The following SCPEP1 variants were observed in gnomAD, a reference collection of about 807,000 sequenced individuals.
SCPEP1 encodes retinoid-inducible serine carboxypeptidase.
A neutral mutation model predicts 63.8 loss-of-function variants in SCPEP1; 51 were observed. That is an observed-to-expected ratio of 0.80 (90% CI 0.64 to 1.01). SCPEP1 has a LOEUF of 1.01. SCPEP1 is among the 50% of genes least tolerant of loss of function. SCPEP1 has a pLI of 0.00. For synonymous variants in SCPEP1, 204 were observed against 207.8 expected (o/e 0.98, Z 0.16); for missense variants, 499 against 554.9 (o/e 0.90, Z 1.01).
rs748150413 is a variant in SCPEP1 at position 56,987,831 on chromosome 17, G to C, written c.452G>C (p.Ser151Thr). The C allele has an allele frequency of 1.2e-6, 2 of 1,614,088 alleles. No individual in the cohort carries two copies. Among genetic ancestry groups the C allele is most frequent in the Non-Finnish European group, 1.7e-6 (2 of 1,180,002 alleles). The change falls in exon 4 of 13, where the codon AGT becomes ACT. Residue 151 changes from serine to threonine, a missense_variant. By Grantham distance (58) the Ser-to-Thr change is moderately conservative. Transcript: ENST00000262288. Reference sequence around the variant, plus strand: ...ATGGTTCTCCTGAAGACCTTCTTCAGTTGCCACAAAGAATTCCAGGTAAGC... The same window carrying C: ...ATGGTTCTCCTGAAGACCTTCTTCACTTGCCACAAAGAATTCCAGGTAAGC... ...DMMVLLKTFF[S>T]CHKEFQTVPF...
chr17:56,993,278 G>A (rs1026348189), intron 6 of SCPEP1, among the ~76,000 whole-genome samples: 3 of 152,046 alleles, frequency 2.0e-5, no homozygotes, highest in Non-Finnish European at 4.4e-5. Flanking sequence ...AGACACATGT[G>A]GCTATTAGCT....
chr17:57,002,057 T>G lies in SCPEP1; in HGVS notation c.1172T>G (p.Leu391Arg), dbSNP rs373783266. The G allele has an allele frequency of 2.2e-5, 36 of 1,614,244 alleles. No homozygotes were observed. Among genetic ancestry groups the G allele is most frequent in the Non-Finnish European group, 3.1e-5 (36 of 1,180,040 alleles). ...GTGCGGAAACTGAAGTGGCCAGAAC[T>G]GCCTAAATTCAGTCAGCTGAAGTGG... ...AWVRKLKWPE[L>R]PKFSQLKWKA... Residue 391 changes from leucine to arginine, a missense_variant, in exon 12 of 13, where the codon CTG becomes CGG. Coordinates refer to ENST00000262288, the MANE Select transcript of SCPEP1 (RefSeq NM_021626.3).
intron 10 of SCPEP1, among the ~76,000 whole-genome samples, chr17:56,999,536 T>C (rs1422854819): frequency 6.6e-6 from 1 of 152,156 alleles, no homozygotes; most frequent in Non-Finnish European, 1.5e-5. Context: ...GCTGGGAGCC[T>C]ACGATTTGCT....
chr17:56,981,232 T>C lies in SCPEP1; in HGVS notation c.225+2T>C, dbSNP rs1259506679. On this transcript the variant is annotated splice_donor_variant, in intron 2 of 12. Transcript: ENST00000262288. LOFTEE classifies it high-confidence loss of function. ...CTGCCCCTGGTCATGTGGCTTCAGG[T>C]AAAGTAGCTTCCCAGCCTGGCCTGA... 1.9e-6 allele frequency: 3 copies of C among 1,614,084 alleles called. No individual in the cohort carries two copies. In the Admixed American group the frequency reaches 5.0e-5, roughly 27 times the overall value.
In SCPEP1 at chr17:56,991,230, C is replaced by A. The variant is rs1489157793; in HGVS notation, c.619+59C>A. The stretch of plus-strand genomic sequence containing the variant: ...CCCTTTTGCCCATCCTTTCCTGGGA[C>A]TTTGGGCTGTGTTGTCCAGATCAAA... On this transcript the variant is annotated intron_variant, in intron 6 of 12. Transcript: ENST00000262288. 4.6e-6 allele frequency: 6 copies of A among 1,295,140 alleles called. No individual in the cohort carries two copies. The East Asian group carries it at 1.4e-4, about 30-fold the overall frequency. The allele number at this position is 1,295,140 out of a possible 1,614,324, so 80.2% of individuals were successfully genotyped here.
chr17:57,000,752 C>T (rs898078399), intron 10 of SCPEP1, 103 bp from the exon 11 acceptor site: 8 of 1,327,992 alleles, frequency 6.0e-6, no homozygotes, highest in Non-Finnish European at 8.6e-6. Context: ...TCTGTGCATT[C>T]AGTCGTTGTT....
At chr17:56,993,794 A>G (rs1417376892) in intron 6 of SCPEP1, among the ~76,000 whole-genome samples, 1 of 152,212 alleles carries the variant, frequency 6.6e-6, no homozygotes, top group African/African-American at 2.4e-5. Context: ...CTGTAAGAAC[A>G]GAGTGGAGTA....
intron 1 of SCPEP1, among the ~76,000 whole-genome samples, chr17:56,979,643 A>G (rs1487690368): frequency 6.6e-6 from 1 of 152,244 alleles, no homozygotes; most frequent in African/African-American, 2.4e-5. Flanking sequence ...AGGGGATTAT[A>G]GGATACGTAT....
intron 9 of SCPEP1, 46 bp from the exon 10 acceptor site, chr17:56,998,339 C>A: frequency 1.6e-6 from 2 of 1,288,790 alleles, no homozygotes; most frequent in African/African-American, 1.5e-5. Context: ...GTCCTCTTGG[C>A]CTTACTTCCA....
At chr17:56,989,257 G>A (rs1470856771) in intron 5 of SCPEP1, among the ~76,000 whole-genome samples, 1 of 152,142 alleles carries the variant, frequency 6.6e-6, no homozygotes, top group Non-Finnish European at 1.5e-5. Flanking sequence ...GCAATTTGTA[G>A]AAGAAATATA....
At chr17:57,002,874 C>CA (rs59205865) in intron 12 of SCPEP1, among the ~76,000 whole-genome samples, 52,444 of 106,722 alleles carry the variant, frequency 0.49, 10,993 homozygotes, top group Admixed American at 0.53. Flanking sequence ...GACCCTGTCT[C>CA]AAAAAAAAAA....
chr17:57,002,294 C>T (rs1317581019), intron 12 of SCPEP1, 113 bp downstream of exon 12: 18 of 1,036,032 alleles, frequency 1.7e-5, no homozygotes, highest in East Asian at 9.9e-5. Context: ...TACGAGGGCC[C>T]GAGGGCCAGG....
At chr17:56,993,553 C>T (rs925811715) in intron 6 of SCPEP1, among the ~76,000 whole-genome samples, 2 of 152,220 alleles carry the variant, frequency 1.3e-5, no homozygotes, top group Admixed American at 6.5e-5. Context: ...AAGCAATTCT[C>T]CTGTCTCAGC....
At chr17:56,997,666 A>G (rs1014969145) in intron 9 of SCPEP1, among the ~76,000 whole-genome samples, 6 of 152,134 alleles carry the variant, frequency 3.9e-5, no homozygotes, top group African/African-American at 1.4e-4. Flanking sequence ...GGTTTCAAGA[A>G]TTATTAACTC....
chr17:56,986,918 T>G (rs1190701443), intron 3 of SCPEP1, among the ~76,000 whole-genome samples: 1 of 150,714 alleles, frequency 6.6e-6, no homozygotes, highest in Non-Finnish European at 1.5e-5. Context: ...CCTGGGCCTT[T>G]CCTGTGCTTG....
chr17:57,000,107 G>C (rs944741829), intron 10 of SCPEP1, among the ~76,000 whole-genome samples: 1 of 152,010 alleles, frequency 6.6e-6, no homozygotes, highest in African/African-American at 2.4e-5. Context: ...CTGAGATTGT[G>C]CCCCCGCTCT....
intron 8 of SCPEP1, 98 bp from the exon 9 acceptor site, chr17:56,996,864 C>A: frequency 1.4e-6 from 1 of 699,444 alleles, no homozygotes. Flanking sequence ...AAAATTAAAC[C>A]TGTCCTTGGA....
chr17:56,991,396 T>C (rs1911393925), intron 6 of SCPEP1, among the ~76,000 whole-genome samples: 1 of 152,170 alleles, frequency 6.6e-6, no homozygotes, highest in African/African-American at 2.4e-5. Context: ...AAGGATCAAA[T>C]TTTACAATTG....
chr17:56,981,328 G>T (rs3095499), intron 2 of SCPEP1, 98 bp downstream of exon 2: 13 of 1,337,400 alleles, frequency 9.7e-6, no homozygotes, highest in East Asian at 9.5e-5. Context: ...AGTGAAGGGC[G>T]GATTTGGTCC....
Sources: allele counts gnomAD v4.1 joint callset (sites outside exome capture counted in the v4.1 genomes callset), GRCh38; gene constraint gnomAD v4.1.1; transcripts MANE v1.5; gene names NCBI Gene and HGNC (gene_info 2026-07-23, HGNC 2026-07-21).